The following PCDH15 variants were observed in gnomAD, a reference collection of about 807,000 sequenced individuals.
The protein encoded by PCDH15 is protocadherin-15.
PCDH15 carries 129 observed loss-of-function variants against 178.5 expected under a neutral mutation model. That is an observed-to-expected ratio of 0.72 (90% CI 0.63 to 0.84). The LOEUF is 0.84. Among genes scored for constraint, PCDH15 ranks in the 40% least tolerant of loss-of-function variants. The probability of loss-of-function intolerance (pLI) is 0.00; values close to 1 mark genes in which losing one functional copy is unlikely to be tolerated. For missense variants in PCDH15, 2,230 were observed against 2,099.9 expected, an observed-to-expected ratio of 1.06 and a Z score of -1.21; for synonymous variants, 800 against 732.0, an observed-to-expected ratio of 1.09 and a Z score of -1.50.
chr10:54,606,353 A>G (rs2092740497), intron 2 of PCDH15: 1 of 152,136 alleles, frequency 6.6e-6, no homozygotes, highest in Non-Finnish European at 1.5e-5. Flanking sequence ...TCTGCCATGG[A>G]TGAGAATACA....
chr10:53,975,940 T>C (rs536359013), intron 21 of PCDH15, among the ~76,000 whole-genome samples: 4 of 152,150 alleles, frequency 2.6e-5, no homozygotes, highest in African/African-American at 9.7e-5. Flanking sequence ...TCAAAAAAAT[T>C]TTTGTATGTG....
chr10:55,477,925 T>C (rs571601153), intron 2 of PCDH15, among the ~76,000 whole-genome samples: 33 of 151,844 alleles, frequency 2.2e-4, no homozygotes, highest in South Asian at 4.1e-4. Context: ...CCAAACTATA[T>C]GCTATCTACA....
At position 53,959,546 on chromosome 10, in the gene PCDH15, C is replaced by T. The variant is rs112940526; in HGVS notation, c.3122+186G>A. On this transcript the variant is annotated intron_variant, in intron 23 of 37. Transcript: ENST00000644397. Reference sequence around the variant, plus strand: ...ATTATTCATTAAACCATTACTAAAACATATTTTATACTAAATTGTCATATT... The same window carrying T: ...ATTATTCATTAAACCATTACTAAAATATATTTTATACTAAATTGTCATATT... 0.015 allele frequency among the ~76,000 whole-genome samples: 2,270 copies of T among 152,140 alleles called. 65 individuals are homozygous for T. The highest frequency in any genetic ancestry group is 0.052 in the African/African-American group (2,149 of 41,500).
At chr10:55,568,788 A>C (rs1353870683) in intron 2 of PCDH15, among the ~76,000 whole-genome samples, 2 of 152,052 alleles carry the variant, frequency 1.3e-5, no homozygotes, top group African/African-American at 4.8e-5. Context: ...CAGATCCTTG[A>C]TCACTAGGGA....
At chr10:55,476,634 A>T (rs1401151137) in intron 2 of PCDH15, among the ~76,000 whole-genome samples, 1 of 152,006 alleles carries the variant, frequency 6.6e-6, no homozygotes, top group Non-Finnish European at 1.5e-5. Context: ...CAATGAAAAA[A>T]CATATAGAAA....
intron 3 of PCDH15, among the ~76,000 whole-genome samples, chr10:54,830,222 TC>T (rs1953200272): frequency 6.6e-6 from 1 of 152,144 alleles, no homozygotes; most frequent in Non-Finnish European, 1.5e-5. Context: ...GACCCAGCCA[TC>T]CCATTACTGG....
At chr10:55,474,364 A>C (rs901920511) in intron 2 of PCDH15, among the ~76,000 whole-genome samples, 3 of 152,298 alleles carry the variant, frequency 2.0e-5, no homozygotes, top group African/African-American at 7.2e-5. Flanking sequence ...ACAAATTTAT[A>C]TTTTTGAATC....
intron 9 of PCDH15, among the ~76,000 whole-genome samples, chr10:54,223,938 C>T (rs756824101): frequency 6.6e-6 from 1 of 152,120 alleles, no homozygotes; most frequent in Non-Finnish European, 1.5e-5. Context: ...GTATTTTTTA[C>T]CCAAAGAGGC....
At chr10:55,248,014 ACTCATTTGTTT>A (rs1841729749) in intron 1 of PCDH15, 1 of 149,756 alleles carries the variant, frequency 6.7e-6, no homozygotes, top group African/African-American at 2.4e-5. Flanking sequence ...CACTACAGAA[ACTCATTTGTTT>A]ATTTCTATTT....
intron 2 of PCDH15, among the ~76,000 whole-genome samples, chr10:54,613,240 G>A (rs753249733): frequency 4.0e-5 from 6 of 151,756 alleles, no homozygotes; most frequent in Non-Finnish European, 8.8e-5. Flanking sequence ...ACACAGCAAT[G>A]CTATGTTTTT....
At chr10:55,071,063 C>T (rs1288151713) in intron 2 of PCDH15, among the ~76,000 whole-genome samples, 7 of 152,058 alleles carry the variant, frequency 4.6e-5, no homozygotes, top group African/African-American at 1.7e-4. Context: ...GATTCTGTCA[C>T]CACCAGGCCT....
intron 2 of PCDH15, among the ~76,000 whole-genome samples, chr10:55,418,209 T>C (rs1838531402): frequency 6.6e-6 from 1 of 151,776 alleles, no homozygotes; most frequent in African/African-American, 2.4e-5. Flanking sequence ...CTCTTCAACA[T>C]TTATAGCCAA....
chr10:55,104,792 C>T (rs1296888335), intron 2 of PCDH15, among the ~76,000 whole-genome samples: 1 of 152,120 alleles, frequency 6.6e-6, no homozygotes, highest in Non-Finnish European at 1.5e-5. Context: ...ACTAGTAGCA[C>T]TTTGTATGGG....
At chr10:53,916,357 G>A (rs181620011) in intron 25 of PCDH15, among the ~76,000 whole-genome samples, 4 of 152,106 alleles carry the variant, frequency 2.6e-5, no homozygotes, top group Admixed American at 2.6e-4. Context: ...TTTTCCTCCT[G>A]GAAAGATTTT....
intron 2 of PCDH15, among the ~76,000 whole-genome samples, chr10:55,486,388 TACA>T (rs1840299273): frequency 6.6e-6 from 1 of 151,862 alleles, no homozygotes; most frequent in East Asian, 1.9e-4. Context: ...ATTTTTTACA[TACA>T]ACATATGTAT....
chr10:55,540,558 G>C (rs1252900712), intron 2 of PCDH15, among the ~76,000 whole-genome samples: 1 of 152,000 alleles, frequency 6.6e-6, no homozygotes, highest in Non-Finnish European at 1.5e-5. Context: ...GCTGGGGACA[G>C]AATGAGAATA....
At chr10:53,984,122 C>CTTTTTTTT (rs57184119) in intron 21 of PCDH15, among the ~76,000 whole-genome samples, 25 of 112,552 alleles carry the variant, frequency 2.2e-4, no homozygotes, top group African/African-American at 4.3e-4. Flanking sequence ...AAGTGCTTTT[C>CTTTTTTTT]TTTTTTTTTT....
In PCDH15 at chr10:53,827,297, T is replaced by C. The variant is rs905984433; in HGVS notation, c.4367+96A>G. 7 of 1,434,388 alleles carry C rather than the reference T, an allele frequency of 4.9e-6. No homozygotes were observed. The Admixed American group carries it at 9.7e-5, about 20-fold the overall frequency. The allele number at this position is 1,434,388 out of a possible 1,614,324, so 88.9% of individuals were successfully genotyped here. On this transcript the variant is annotated intron_variant, in intron 32 of 37. Transcript: ENST00000644397. ...ATAATAGAATAAAATAAATAGTCCA[T>C]GTAGGCATTTCCACATCAGATTGAA...
intron 2 of PCDH15, among the ~76,000 whole-genome samples, chr10:55,613,807 G>A (rs771216314): frequency 1.3e-5 from 2 of 152,088 alleles, no homozygotes; most frequent in Non-Finnish European, 2.9e-5. Flanking sequence ...TTCAATTACT[G>A]AATACATTTT....
Sources: allele counts gnomAD v4.1 joint callset (sites outside exome capture counted in the v4.1 genomes callset), GRCh38; gene constraint gnomAD v4.1.1; transcripts MANE v1.5; gene names NCBI Gene and HGNC (gene_info 2026-07-23, HGNC 2026-07-21).